The following MTHFD1L variants were observed in gnomAD, a reference collection of about 807,000 sequenced individuals.
The protein encoded by MTHFD1L is monofunctional C1-tetrahydrofolate synthase, mitochondrial.
Under a neutral mutation model 119.5 loss-of-function variants are expected in MTHFD1L, and 81 were observed. The observed-to-expected ratio is 0.68, with a 90% CI of 0.57 to 0.82. MTHFD1L has a LOEUF of 0.82. Among genes scored for constraint, MTHFD1L ranks in the 40% least tolerant of loss-of-function variants. The pLI, the probability that MTHFD1L is intolerant of heterozygous loss-of-function variation, is 0.00. For synonymous variants in MTHFD1L, 430 were observed against 475.2 expected, an observed-to-expected ratio of 0.90 and a Z score of 1.24; for missense variants, 1,125 against 1,253.4, an observed-to-expected ratio of 0.90 and a Z score of 1.55.
At chr6:150,875,247 TTA>T (rs1678572927) in intron 1 of MTHFD1L, among the ~76,000 whole-genome samples, 1 of 151,792 alleles carries the variant, frequency 6.6e-6, no homozygotes, top group Admixed American at 6.6e-5. Flanking sequence ...TGGGATCTCG[TTA>T]TGTTACCCAG....
At chr6:151,093,622 C>T (rs570140420) in intron 27 of MTHFD1L, among the ~76,000 whole-genome samples, 18 of 152,160 alleles carry the variant, frequency 1.2e-4, no homozygotes, top group South Asian at 2.1e-4. Context: ...CGCCACTGCA[C>T]TCCAGCCTGG....
intron 20 of MTHFD1L, among the ~76,000 whole-genome samples, chr6:150,977,772 T>C (rs1028227235): frequency 1.2e-4 from 19 of 152,206 alleles, no homozygotes; most frequent in African/African-American, 4.6e-4. Flanking sequence ...TGCAATTGTG[T>C]ATCCTTATAG....
Position 150,876,063 on chromosome 6 carries a change from A to G in MTHFD1L, c.228-27A>G, listed in dbSNP as rs750030484. The G allele has an allele frequency of 6.5e-6, 10 of 1,531,104 alleles. No individual in the cohort carries two copies. In the South Asian group the frequency reaches 1.2e-4, roughly 18 times the overall value. 94.8% of individuals were successfully genotyped at this position (1,531,104 alleles called of 1,614,324 possible). On this transcript the variant is annotated intron_variant, in intron 1 of 27. Coordinates refer to ENST00000367321, the MANE Select transcript of MTHFD1L (RefSeq NM_015440.5). ...CTTTCTACTCATTAACCAAGAAATC[A>G]CAATGTTGTTTTCTTTCTCAATGTA...
At chr6:150,945,647 A>G (rs1322569766) in intron 15 of MTHFD1L, 106 bp downstream of exon 15, 4 of 1,096,906 alleles carry the variant, frequency 3.6e-6, no homozygotes, top group African/African-American at 1.6e-5. Context: ...TGGTTTTCAG[A>G]TATCCTTTTG....
intron 5 of MTHFD1L, 81 bp from the exon 6 acceptor site, chr6:150,885,553 G>A: frequency 1.1e-6 from 1 of 934,232 alleles, no homozygotes. Flanking sequence ...ATGTTATTTG[G>A]GGTTAATATA....
intron 26 of MTHFD1L, among the ~76,000 whole-genome samples, chr6:151,080,578 G>C (rs1793046657): frequency 1.3e-5 from 2 of 152,258 alleles, no homozygotes; most frequent in Non-Finnish European, 2.9e-5. Flanking sequence ...GCTAAAGCAG[G>C]AGGAAAACAT....
At position 150,865,750 on chromosome 6, in the gene MTHFD1L, C is replaced by G. The variant is rs1163669449; in HGVS notation, c.-73C>G. ...CCGCCGCCGCCGCCGCCGCCGCCTG[C>G]TCCCCTGGCACGCGCCCCGCCGCCC... is the stretch of plus-strand genomic sequence containing the variant. On this transcript the variant is annotated 5_prime_UTR_variant, in exon 1 of 28. Transcript: ENST00000367321. The G allele has an allele frequency of 9.3e-6, 11 of 1,185,868 alleles. No individual in the cohort carries two copies. Among genetic ancestry groups the G allele is most frequent in the African/African-American group, 1.7e-5 (1 of 58,368 alleles). 73.5% of individuals were successfully genotyped at this position (1,185,868 alleles called of 1,614,324 possible). A position where few individuals can be genotyped will look rare whatever the true frequency, so the allele number is the denominator to read the frequency against.
chr6:151,048,160 G>A (rs9478928), intron 26 of MTHFD1L, among the ~76,000 whole-genome samples: 1,707 of 152,182 alleles, frequency 0.011, 34 homozygotes, highest in African/African-American at 0.039. Context: ...GGGATACAGC[G>A]CCAAACCATA....
intron 7 of MTHFD1L, among the ~76,000 whole-genome samples, chr6:150,898,059 G>T (rs1784530872): frequency 1.3e-5 from 2 of 152,260 alleles, no homozygotes; most frequent in African/African-American, 4.8e-5. Flanking sequence ...GGTCAGGCTG[G>T]TCTCGAACTC....
chr6:151,014,868 TC>T lies in MTHFD1L; in HGVS notation c.2308-11del. On this transcript the variant is annotated splice_polypyrimidine_tract_variant and intron_variant, in intron 22 of 27. Coordinates refer to ENST00000367321, the MANE Select transcript of MTHFD1L (RefSeq NM_015440.5). ...CACAGGGGTCTGGGTTTTGCTTTTTTCTTTTTTACAGAACATCCAGCTGGTG... is the reference window on the plus strand; with the variant it reads ...CACAGGGGTCTGGGTTTTGCTTTTTTTTTTTTACAGAACATCCAGCTGGTG... 1 of 1,613,104 alleles carries T rather than the reference TC, an allele frequency of 6.2e-7. No homozygotes were observed. The highest frequency in any genetic ancestry group is 1.1e-5 in the South Asian group (1 of 90,906).
intron 1 of MTHFD1L, 76 bp downstream of exon 1, chr6:150,866,125 G>A: frequency 6.9e-7 from 1 of 1,441,870 alleles, no homozygotes; most frequent in Non-Finnish European, 9.1e-7. Context: ...GCCCGGGACC[G>A]CCGTGGGGAG....
intron 18 of MTHFD1L, among the ~76,000 whole-genome samples, chr6:150,963,162 CG>C (rs1467798194): frequency 6.6e-6 from 1 of 152,058 alleles, no homozygotes; most frequent in Non-Finnish European, 1.5e-5. Flanking sequence ...GTGATCCACC[CG>C]CCTTGGCCTC....
At chr6:150,892,931 G>A (rs1253003065) in intron 7 of MTHFD1L, among the ~76,000 whole-genome samples, 2 of 152,158 alleles carry the variant, frequency 1.3e-5, no homozygotes, top group African/African-American at 4.8e-5. Flanking sequence ...GCTGTCTGGA[G>A]GCCACAGTGG....
chr6:150,887,853 C>G lies in MTHFD1L; in HGVS notation c.652C>G (p.Leu218Val). The change falls in exon 7 of 28, where the codon CTA (leucine) becomes GTA (valine). Residue 218 changes from leucine to valine, a missense_variant. Leu to Val is a conservative substitution (Grantham distance 32, BLOSUM62 1). Transcript: ENST00000367321. Reference protein sequence around the residue: ...IELLEKSGVNLDGKKILVVGA... With the variant: ...IELLEKSGVNVDGKKILVVGA... Reference sequence around the variant, plus strand: ...TTTCATTTGGTTAGTAGGTGTCAACCTAGATGGAAAGAAGATTTTGGTAGT... The same window carrying G: ...TTTCATTTGGTTAGTAGGTGTCAACGTAGATGGAAAGAAGATTTTGGTAGT... 6.3e-7 allele frequency: 1 copy of G among 1,599,290 alleles called. No individual in the cohort carries two copies. The highest frequency in any genetic ancestry group is 1.1e-5 in the South Asian group (1 of 87,582).
Position 150,908,861 on chromosome 6 carries a change from A to T in MTHFD1L, c.892+3100A>T, listed in dbSNP as rs17080476. On this transcript the variant is annotated intron_variant, in intron 8 of 27. Coordinates refer to ENST00000367321, the MANE Select transcript of MTHFD1L (RefSeq NM_015440.5). The stretch of plus-strand genomic sequence containing the variant: ...CCCCTCTTTTTTTCATAATCCCACT[A>T]CTGTAAAGAAATGAATAAACTTTTT... Among the ~76,000 whole-genome samples the T allele has an allele frequency of 2.0e-5, 3 of 151,992 alleles. No homozygotes were observed. The East Asian group carries it at 5.8e-4, about 29-fold the overall frequency.
intron 7 of MTHFD1L, among the ~76,000 whole-genome samples, chr6:150,905,036 CTT>C (rs36039459): frequency 1.1e-4 from 12 of 111,680 alleles, no homozygotes; most frequent in East Asian, 2.6e-4. Flanking sequence ...TTGTTTTCCT[CTT>C]TTTTTTTTTT....
rs1583593466 is a variant in MTHFD1L at position 150,926,053 on chromosome 6, T to G, written c.1083-69T>G. On this transcript the variant is annotated intron_variant, in intron 10 of 27. Transcript: ENST00000367321. The surrounding 1 kb of genome is among the most constrained non-coding windows in gnomAD (Gnocchi z 4.3). ...TCATCGTTGGCGTGATGTGTGGCTGTTTTCACTCCAGTTGTGACCACCTAA... is the reference window on the plus strand; with the variant it reads ...TCATCGTTGGCGTGATGTGTGGCTGGTTTCACTCCAGTTGTGACCACCTAA... The G allele has an allele frequency of 2.8e-6, 4 of 1,405,972 alleles. No individual in the cohort carries two copies. 87.1% of individuals were successfully genotyped at this position (1,405,972 alleles called of 1,614,324 possible).
Position 150,901,980 on chromosome 6 carries a change from A to G in MTHFD1L, c.781-3670A>G, listed in dbSNP as rs187536779. Among the ~76,000 whole-genome samples the G allele has an allele frequency of 1.5e-4, 22 of 151,692 alleles. No homozygotes were observed. In the East Asian group the frequency reaches 1.9e-3, roughly 13 times the overall value. Reference sequence around the variant, plus strand: ...AGAAAATATCTTTTTTTTTTTACCCATTCTGGATTTTGAAATATATACAGA... The same window carrying G: ...AGAAAATATCTTTTTTTTTTTACCCGTTCTGGATTTTGAAATATATACAGA... On this transcript the variant is annotated intron_variant, in intron 7 of 27. Transcript: ENST00000367321.
intron 1 of MTHFD1L, among the ~76,000 whole-genome samples, chr6:150,871,744 C>T (rs1279478651): frequency 3.3e-5 from 5 of 151,404 alleles, no homozygotes; most frequent in Non-Finnish European, 5.9e-5. Context: ...CCTTGTGATC[C>T]GCCCACTTCG....
Sources: allele counts gnomAD v4.1 joint callset (sites outside exome capture counted in the v4.1 genomes callset), GRCh38; gene constraint gnomAD v4.1.1; non-coding constraint Gnocchi (gnomAD v3.1); transcripts MANE v1.5; gene names NCBI Gene and HGNC (gene_info 2026-07-23, HGNC 2026-07-21).